GALNTL6: variants seen among roughly 807,000 people sequenced by gnomAD.
GALNTL6 encodes polypeptide N-acetylgalactosaminyltransferase like 6, also known as polypeptide N-acetylgalactosaminyltransferase-like 6.
A neutral mutation model predicts 73.7 loss-of-function variants in GALNTL6; 46 were observed. That is an observed-to-expected ratio of 0.62 (90% CI 0.49 to 0.80). The LOEUF (loss-of-function observed/expected upper bound fraction) is 0.80, where lower values mean the gene tolerates loss of function less well. Ranked by LOEUF, GALNTL6 falls within the 30% of genes least tolerant of loss-of-function variation. GALNTL6 has a pLI of 0.00. For synonymous variants in GALNTL6, 259 were observed against 263.7 expected (o/e 0.98, Z 0.17); for missense variants, 604 against 755.0 (o/e 0.80, Z 2.34).
chr4:172,998,838 C>T (rs551625272), intron 10 of GALNTL6, among the ~76,000 whole-genome samples: 2 of 152,228 alleles, frequency 1.3e-5, no homozygotes, highest in East Asian at 3.9e-4. Context: ...GAGTTCCCCC[C>T]TCAATCTTCT....
At chr4:172,281,823 A>G (rs375687303) in intron 3 of GALNTL6, among the ~76,000 whole-genome samples, 1 of 152,182 alleles carries the variant, frequency 6.6e-6, no homozygotes, top group Non-Finnish European at 1.5e-5. Context: ...TCTTTTTGCC[A>G]TGTAAGGTAA....
intron 5 of GALNTL6, among the ~76,000 whole-genome samples, chr4:172,526,129 A>G (rs966104360): frequency 6.6e-6 from 1 of 152,186 alleles, no homozygotes; most frequent in Non-Finnish European, 1.5e-5. Context: ...ATTTTAAATA[A>G]TAAGTCCTAG....
chr4:171,836,780 T>C (rs1029165023), intron 2 of GALNTL6, among the ~76,000 whole-genome samples: 2 of 152,060 alleles, frequency 1.3e-5, no homozygotes, highest in African/African-American at 2.4e-5. Context: ...ATGGCTATGA[T>C]GGAAGATGGT....
intron 5 of GALNTL6, among the ~76,000 whole-genome samples, chr4:172,448,182 G>A (rs1242868816): frequency 6.6e-6 from 1 of 152,146 alleles, no homozygotes; most frequent in Non-Finnish European, 1.5e-5. Flanking sequence ...CATTGGTTTA[G>A]CATATATGTC....
intron 10 of GALNTL6, among the ~76,000 whole-genome samples, chr4:172,975,664 G>T (rs1750774333): frequency 6.6e-6 from 1 of 152,160 alleles, no homozygotes; most frequent in Non-Finnish European, 1.5e-5. Context: ...TGTTCTGAGG[G>T]ATGCCTGCAG....
chr4:172,135,675 C>CA (rs1271425478), intron 2 of GALNTL6, among the ~76,000 whole-genome samples: 1 of 152,044 alleles, frequency 6.6e-6, no homozygotes, highest in Non-Finnish European at 1.5e-5. Context: ...AGTGAGGTTA[C>CA]ATACATAAGA....
chr4:171,815,880 C>T (rs867467995), intron 2 of GALNTL6: 1 of 152,110 alleles, frequency 6.6e-6, no homozygotes, highest in East Asian at 1.9e-4. Context: ...CATTACCAGT[C>T]TCTAAACTTT....
intron 5 of GALNTL6, among the ~76,000 whole-genome samples, chr4:172,388,586 T>G (rs1005838321): frequency 6.6e-6 from 1 of 152,120 alleles, no homozygotes; most frequent in African/African-American, 2.4e-5. Context: ...CTAGATTATT[T>G]CACTGAGATT....
intron 2 of GALNTL6, among the ~76,000 whole-genome samples, chr4:171,956,172 A>C (rs900206574): frequency 6.6e-6 from 1 of 151,896 alleles, no homozygotes; most frequent in South Asian, 2.1e-4. Flanking sequence ...TGGCTAATTT[A>C]TTCTGTATTT....
chr4:172,586,941 G>A (rs1317925070), intron 5 of GALNTL6, among the ~76,000 whole-genome samples: 1 of 152,140 alleles, frequency 6.6e-6, no homozygotes, highest in African/African-American at 2.4e-5. Flanking sequence ...ACAGCAACTT[G>A]TGTAAAAATT....
intron 3 of GALNTL6, among the ~76,000 whole-genome samples, chr4:172,278,014 C>A (rs563860192): frequency 6.6e-6 from 1 of 152,194 alleles, no homozygotes; most frequent in South Asian, 2.1e-4. Flanking sequence ...ACACTCTTAC[C>A]TCTTTACTGC....
In GALNTL6 at chr4:172,513,952, AGGT is replaced by A. The variant is rs773709118; in HGVS notation, c.553+165267_553+165269del. Among the ~76,000 whole-genome samples the A allele has an allele frequency of 2.1e-3, 318 of 152,312 alleles. 4 individuals are homozygous for A. Among genetic ancestry groups the A allele is most frequent in the Non-Finnish European group, 5.3e-4 (36 of 68,034 alleles). ...GATCTCTGGTTAGACAAGATGTTAC[AGGT>A]GGTAAAGTTAGCTGTTGTTTTTCTC... On this transcript the variant is annotated intron_variant, in intron 5 of 12. Coordinates refer to ENST00000506823, the MANE Select transcript of GALNTL6 (RefSeq NM_001034845.3).
Position 172,930,415 on chromosome 4 carries a change from G to C in GALNTL6, c.1042-746G>C, listed in dbSNP as rs368988459. On this transcript the variant is annotated intron_variant, in intron 8 of 12. Coordinates refer to ENST00000506823, the MANE Select transcript of GALNTL6 (RefSeq NM_001034845.3). ...GCAAGTTTCAGAATGCAACTTAAAA[G>C]GTATGATATGCTTGTGTTCTTTAAA... 1.4e-4 allele frequency among the ~76,000 whole-genome samples: 22 copies of C among 152,112 alleles called. No homozygotes were observed. The East Asian group carries it at 1.9e-3, about 13-fold the overall frequency.
rs199613958 is a variant in GALNTL6 at position 172,325,998 on chromosome 4, A to T, written c.386+14246A>T. Among the ~76,000 whole-genome samples the T allele has an allele frequency of 8.1e-4, 123 of 152,044 alleles. 2 individuals carry two copies. In the South Asian group the frequency reaches 0.016, roughly 19 times the overall value. On this transcript the variant is annotated intron_variant, in intron 4 of 12. Coordinates refer to ENST00000506823, the MANE Select transcript of GALNTL6 (RefSeq NM_001034845.3). ...AAATGTTAATGAGTTGAAATCTTAC[A>T]AAGTATATCACTGATCATAGAATTA...
chr4:171,852,020 CAG>C (rs1356628256), intron 2 of GALNTL6, among the ~76,000 whole-genome samples: 1 of 152,130 alleles, frequency 6.6e-6, no homozygotes, highest in African/African-American at 2.4e-5. Flanking sequence ...AATGCAAAAT[CAG>C]AGTCTCATAT....
At chr4:172,386,272 AT>A (rs1413348679) in intron 5 of GALNTL6, among the ~76,000 whole-genome samples, 1 of 152,092 alleles carries the variant, frequency 6.6e-6, no homozygotes, top group Non-Finnish European at 1.5e-5. Flanking sequence ...GAGCACACAT[AT>A]TTTTTTGCAC....
intron 5 of GALNTL6, among the ~76,000 whole-genome samples, chr4:172,807,279 T>C (rs1031803775): frequency 2.0e-4 from 31 of 152,232 alleles, no homozygotes; most frequent in African/African-American, 7.0e-4. Flanking sequence ...ATACTCATAT[T>C]TGTTAGTCTG....
intron 2 of GALNTL6, among the ~76,000 whole-genome samples, chr4:171,894,911 GA>G (rs1234114386): frequency 6.6e-6 from 1 of 152,070 alleles, no homozygotes; most frequent in Admixed American, 6.6e-5. Flanking sequence ...ACAAGGCATG[GA>G]ATAAGATGGA....
intron 2 of GALNTL6, among the ~76,000 whole-genome samples, chr4:171,989,540 G>A (rs1740264566): frequency 2.6e-5 from 4 of 152,170 alleles, no homozygotes; most frequent in Admixed American, 2.6e-4. Context: ...TGGCAGCTGC[G>A]GTTCAGGTGT....
Sources: gnomAD v4.1 joint callset for allele counts (sites outside exome capture counted in the v4.1 genomes callset) on GRCh38, gnomAD v4.1.1 for gene constraint, MANE v1.5 for transcripts, NCBI Gene and HGNC (gene_info 2026-07-23, HGNC 2026-07-21) for gene names.